The following ARK2C variants were observed in gnomAD, a reference collection of about 807,000 sequenced individuals.
The protein encoded by ARK2C is arkadia (RNF111) C-terminal like ring finger ubiquitin ligase 2C.
chr18:46,456,436 C>A, the ARK2C span: 1 of 991,736 alleles, frequency 1.0e-6, no homozygotes, highest in South Asian at 1.4e-5. Context: ...GGCAGTTCCC[C>A]AGGAGTCCTA....
At chr18:46,387,827 C>A in the ARK2C span, among the ~76,000 whole-genome samples, 2 of 152,194 alleles carry the variant, frequency 1.3e-5, no homozygotes, top group Non-Finnish European at 2.9e-5. Flanking sequence ...CAGAAGCTGA[C>A]CTTAGGGGTT....
At chr18:46,450,654 T>C in the ARK2C span, 4 of 1,398,190 alleles carry the variant, frequency 2.9e-6, no homozygotes, top group East Asian at 6.8e-5. Flanking sequence ...TGTGTGCATG[T>C]GGGCATTTAT....
chr18:46,439,940 C>T, the ARK2C span, among the ~76,000 whole-genome samples: 1 of 152,214 alleles, frequency 6.6e-6, no homozygotes, highest in Admixed American at 6.5e-5. Context: ...AAGCGATTCT[C>T]CTGCCTCAGC....
chr18:46,415,803 T>C, the ARK2C span, among the ~76,000 whole-genome samples: 1 of 152,136 alleles, frequency 6.6e-6, no homozygotes, highest in South Asian at 2.1e-4. Context: ...GGGCTGAATT[T>C]GGGAAAAGCT....
the ARK2C span, among the ~76,000 whole-genome samples, chr18:46,355,239 C>A: frequency 1.3e-5 from 2 of 152,102 alleles, no homozygotes; most frequent in African/African-American, 2.4e-5. Flanking sequence ...AAGCATGAGC[C>A]ACCGGGCCCG....
the ARK2C span, among the ~76,000 whole-genome samples, chr18:46,393,099 C>T: frequency 6.6e-6 from 1 of 152,208 alleles, no homozygotes; most frequent in Non-Finnish European, 1.5e-5. Context: ...TGAGGAGTCA[C>T]TTCCTGCTGT....
At chr18:46,358,091 A>T in the ARK2C span, among the ~76,000 whole-genome samples, 1 of 152,154 alleles carries the variant, frequency 6.6e-6, no homozygotes, top group East Asian at 1.9e-4. Context: ...CCCTGTTTCC[A>T]AATAAGGTCA....
At chr18:46,438,713 T>G in the ARK2C span, among the ~76,000 whole-genome samples, 2 of 152,228 alleles carry the variant, frequency 1.3e-5, no homozygotes, top group Non-Finnish European at 2.9e-5. Flanking sequence ...TATGAGGGGC[T>G]GACCTAGTGG....
the ARK2C span, chr18:46,456,425 G>T: frequency 1.1e-6 from 1 of 877,106 alleles, no homozygotes; most frequent in Non-Finnish European, 1.9e-6. Flanking sequence ...CTCCATAGCC[G>T]GGCAGTTCCC....
chr18:46,430,145 G>A, the ARK2C span, among the ~76,000 whole-genome samples: 82 of 152,300 alleles, frequency 5.4e-4, no homozygotes, highest in African/African-American at 1.9e-3. Context: ...AAGGAGTGTT[G>A]AGAAGGTTAA....
chr18:46,406,960 T>G, the ARK2C span, among the ~76,000 whole-genome samples: 1 of 151,982 alleles, frequency 6.6e-6, no homozygotes, highest in African/African-American at 2.4e-5. Flanking sequence ...ACCCTCATCA[T>G]GTCCCTGAAC....
chr18:46,450,921 T>C, the ARK2C span: 1 of 707,350 alleles, frequency 1.4e-6, no homozygotes, highest in Non-Finnish European at 2.5e-6. Flanking sequence ...TTTGCTCTGG[T>C]TAGATGCTCT....
the ARK2C span, among the ~76,000 whole-genome samples, chr18:46,368,851 T>C: frequency 6.6e-6 from 1 of 152,346 alleles, no homozygotes; most frequent in Admixed American, 6.5e-5. Context: ...ATGATGACAA[T>C]GTCTACCTGA....
the ARK2C span, among the ~76,000 whole-genome samples, chr18:46,383,902 G>T: frequency 3.9e-5 from 6 of 152,222 alleles, no homozygotes; most frequent in African/African-American, 1.4e-4. Context: ...TCCAGGGTCT[G>T]CTCAGTAGTC....
At chr18:46,371,325 C>T in the ARK2C span, among the ~76,000 whole-genome samples, 5 of 152,122 alleles carry the variant, frequency 3.3e-5, no homozygotes, top group African/African-American at 7.2e-5. Context: ...CCCTGGCCAA[C>T]GAGATGGCCC....
At chr18:46,350,061 C>T in the ARK2C span, among the ~76,000 whole-genome samples, 1 of 152,238 alleles carries the variant, frequency 6.6e-6, no homozygotes, top group Non-Finnish European at 1.5e-5. Context: ...ACTCACCACT[C>T]ACATACATGT....
At chr18:46,448,536 C>T in the ARK2C span, among the ~76,000 whole-genome samples, 1 of 152,134 alleles carries the variant, frequency 6.6e-6, no homozygotes, top group African/African-American at 2.4e-5. Context: ...CATTTAGTTT[C>T]CTGTGGTCAG....
the ARK2C span, among the ~76,000 whole-genome samples, chr18:46,404,644 T>C: frequency 6.6e-6 from 1 of 151,890 alleles, no homozygotes; most frequent in African/African-American, 2.4e-5. Context: ...TGCCAACTAC[T>C]TGGGAGGCTG....
At chr18:46,375,709 T>C in the ARK2C span, among the ~76,000 whole-genome samples, 1 of 152,160 alleles carries the variant, frequency 6.6e-6, no homozygotes, top group Non-Finnish European at 1.5e-5. Context: ...AGCAATTTTA[T>C]GTTAAGGTGA....
Sources: allele counts gnomAD v4.1 joint callset (sites outside exome capture counted in the v4.1 genomes callset), GRCh38; gene constraint gnomAD v4.1.1; transcripts MANE v1.5; gene names NCBI Gene and HGNC (gene_info 2026-07-23, HGNC 2026-07-21).